The following PPM1L variants were observed in gnomAD, a reference collection of about 807,000 sequenced individuals.
PPM1L encodes protein phosphatase, Mg2+/Mn2+ dependent 1L.
In PPM1L, 13 loss-of-function variants were observed where a neutral mutation model predicts 31.4. That is an observed-to-expected ratio of 0.41 (90% confidence interval 0.27 to 0.66). The LOEUF (loss-of-function observed/expected upper bound fraction) is 0.66, where lower values mean the gene tolerates loss of function less well. Among genes scored for constraint, PPM1L ranks in the 30% least tolerant of loss-of-function variants. PPM1L has a pLI of 0.29. For missense variants in PPM1L, 326 were observed against 453.7 expected (o/e 0.72, Z 2.56); for synonymous variants, 184 against 175.4 (o/e 1.05, Z -0.39).
intron 2 of PPM1L, among the ~76,000 whole-genome samples, chr3:160,991,348 C>T (rs1405613725): frequency 1.3e-5 from 2 of 152,052 alleles, no homozygotes; most frequent in Admixed American, 1.3e-4. Context: ...CTTAAGACCC[C>T]AGGGTATTCT....
intron 1 of PPM1L, among the ~76,000 whole-genome samples, chr3:160,910,041 T>G (rs570120529): frequency 6.6e-6 from 1 of 152,280 alleles, no homozygotes; most frequent in Non-Finnish European, 1.5e-5. Flanking sequence ...TATTAACTAT[T>G]TACTCTTTGA....
chr3:161,031,502 C>T (rs1301454558), intron 2 of PPM1L, among the ~76,000 whole-genome samples: 9 of 101,668 alleles, frequency 8.9e-5, no homozygotes, highest in African/African-American at 1.8e-4. Context: ...GTATTCTGTC[C>T]TTTTTTTTTT....
chr3:160,806,912 GA>G (rs1472793754), intron 1 of PPM1L, among the ~76,000 whole-genome samples: 47 of 139,676 alleles, frequency 3.4e-4, no homozygotes, highest in African/African-American at 1.3e-3. Flanking sequence ...GAAAGAAAGA[GA>G]AGGAAAGAAA....
intron 1 of PPM1L, among the ~76,000 whole-genome samples, chr3:160,807,657 A>G (rs1467853066): frequency 6.6e-6 from 1 of 152,206 alleles, no homozygotes; most frequent in East Asian, 1.9e-4. Flanking sequence ...GCATTGTCCA[A>G]TAAATGATCA....
rs138169958 is a variant in PPM1L at position 160,857,592 on chromosome 3, T to C, written c.399+100885T>C. On this transcript the variant is annotated intron_variant, in intron 1 of 3. Coordinates refer to ENST00000498165, the MANE Select transcript of PPM1L (RefSeq NM_139245.4). The stretch of plus-strand genomic sequence containing the variant: ...TTTGTGTGGGCTCCATTCATTTATA[T>C]TCTACTGTTTATTGTTTATTCATTC... Among the ~76,000 whole-genome samples the C allele has an allele frequency of 1.6e-3, 249 of 152,350 alleles. 1 individual carries two copies. The highest frequency in any genetic ancestry group is 5.7e-3 in the African/African-American group (235 of 41,584).
intron 1 of PPM1L, chr3:160,842,149 G>A (rs966820153): frequency 1.2e-5 from 8 of 651,374 alleles, no homozygotes; most frequent in Admixed American, 2.3e-5. Context: ...TTTTGTGTGC[G>A]TGCATCCTGA....
In PPM1L at chr3:160,961,657, A is replaced by C; in HGVS notation, c.400-79A>C. 3.1e-6 allele frequency: 4 copies of C among 1,297,912 alleles called. 1 individual carries two copies. The highest frequency in any genetic ancestry group is 4.1e-6 in the Non-Finnish European group (4 of 966,954). 80.4% of individuals were successfully genotyped at this position (1,297,912 alleles called of 1,614,324 possible). A position where few individuals can be genotyped will look rare whatever the true frequency, so the allele number is the denominator to read the frequency against. Reference sequence around the variant, plus strand: ...TTTCACAGTGCTTTGAGCTTTCTCTATAGCACCTGAGGGTAAGTAAAAAGT... The same window carrying C: ...TTTCACAGTGCTTTGAGCTTTCTCTCTAGCACCTGAGGGTAAGTAAAAAGT... On this transcript the variant is annotated intron_variant, in intron 1 of 3. Coordinates refer to ENST00000498165, the MANE Select transcript of PPM1L (RefSeq NM_139245.4).
At chr3:160,818,626 T>G (rs1377349227) in intron 1 of PPM1L, among the ~76,000 whole-genome samples, 1 of 152,084 alleles carries the variant, frequency 6.6e-6, no homozygotes, top group African/African-American at 2.4e-5. Flanking sequence ...TAGAGTCATT[T>G]TCACTGTCCT....
intron 1 of PPM1L, among the ~76,000 whole-genome samples, chr3:160,879,731 A>G (rs150488788): frequency 9.7e-4 from 148 of 152,308 alleles, no homozygotes; most frequent in African/African-American, 3.5e-3. Context: ...ACAGATTTCT[A>G]TGTCCCACAC....
intron 1 of PPM1L, among the ~76,000 whole-genome samples, chr3:160,825,667 G>A (rs970327672): frequency 2.6e-5 from 4 of 152,142 alleles, no homozygotes; most frequent in Non-Finnish European, 5.9e-5. Context: ...TAAATCAATA[G>A]AATATGACAA....
At chr3:160,949,959 C>A (rs894567534) in intron 1 of PPM1L, among the ~76,000 whole-genome samples, 2 of 152,068 alleles carry the variant, frequency 1.3e-5, no homozygotes, top group Non-Finnish European at 2.9e-5. Flanking sequence ...ATGTGAGATA[C>A]AACAAATTAA....
chr3:160,874,124 T>C (rs886147490), intron 1 of PPM1L, among the ~76,000 whole-genome samples: 1 of 152,080 alleles, frequency 6.6e-6, no homozygotes, highest in Admixed American at 6.5e-5. Context: ...CCAGAAGGGG[T>C]CAGATTTTCT....
At chr3:160,832,686 A>G (rs757665849) in intron 1 of PPM1L, among the ~76,000 whole-genome samples, 1 of 152,186 alleles carries the variant, frequency 6.6e-6, no homozygotes, top group Non-Finnish European at 1.5e-5. Flanking sequence ...TTAAAACTAG[A>G]TATTAGCATT....
chr3:161,049,002 C>T (rs939265101), intron 2 of PPM1L, among the ~76,000 whole-genome samples: 12 of 150,730 alleles, frequency 8.0e-5, no homozygotes, highest in Admixed American at 3.3e-4. Context: ...ATGGGTGCAG[C>T]GCACCAACAT....
intron 2 of PPM1L, among the ~76,000 whole-genome samples, chr3:161,059,761 A>C (rs996532448): frequency 6.6e-6 from 1 of 151,928 alleles, no homozygotes; most frequent in Non-Finnish European, 1.5e-5. Context: ...ATGATTTGTC[A>C]CTGTCCTTCT....
intron 1 of PPM1L, among the ~76,000 whole-genome samples, chr3:160,789,002 A>C (rs573364862): frequency 2.6e-5 from 4 of 152,104 alleles, no homozygotes; most frequent in African/African-American, 9.6e-5. Flanking sequence ...GAATCAGCTT[A>C]TCTGGTTGCA....
intron 1 of PPM1L, among the ~76,000 whole-genome samples, chr3:160,913,898 A>G (rs1032656769): frequency 1.3e-5 from 2 of 152,172 alleles, no homozygotes; most frequent in Admixed American, 6.5e-5. Flanking sequence ...TGAGTACTCA[A>G]ATATGTACAT....
At position 160,869,193 on chromosome 3, in the gene PPM1L, A is replaced by G. The variant is rs182263411; in HGVS notation, c.400-92543A>G. ...TCACGTTTGTGAAATCTAGAAGTAC[A>G]ATGCCTGGAACAGAGAAGATTCTTT... On this transcript the variant is annotated intron_variant, in intron 1 of 3. Transcript: ENST00000498165. 3.3e-5 allele frequency among the ~76,000 whole-genome samples: 5 copies of G among 152,360 alleles called. No individual in the cohort carries two copies. The East Asian group carries it at 9.6e-4, about 29-fold the overall frequency.
chr3:160,974,540 C>T (rs1319483707), intron 2 of PPM1L, among the ~76,000 whole-genome samples: 2 of 151,796 alleles, frequency 1.3e-5, no homozygotes, highest in Non-Finnish European at 2.9e-5. Context: ...CCTGTTGTTT[C>T]CTGAATTTTT....
Sources: allele counts gnomAD v4.1 joint callset (sites outside exome capture counted in the v4.1 genomes callset), GRCh38; gene constraint gnomAD v4.1.1; transcripts MANE v1.5; gene names NCBI Gene and HGNC (gene_info 2026-07-23, HGNC 2026-07-21).